Variants in PLCD3 observed in about 807,000 individuals in gnomAD.
PLCD3 encodes phospholipase C delta 3.
PLCD3 carries 62 observed loss-of-function variants against 82.8 expected under a neutral mutation model. The observed-to-expected ratio is 0.75, with a 90% CI of 0.61 to 0.93. PLCD3 has a LOEUF of 0.93. PLCD3 is among the 40% of genes least tolerant of loss of function. PLCD3 has a pLI of 0.00. For synonymous variants in PLCD3, 478 were observed against 471.8 expected (o/e 1.01, Z -0.17); for missense variants, 1,023 against 1,103.4 (o/e 0.93, Z 1.03).
rs1405295918 is a variant in PLCD3, at chr17:45,120,940, C to G, written c.516G>C (p.Ala172=). 1.4e-6 allele frequency: 2 copies of G among 1,480,692 alleles called. No homozygotes were observed. The highest frequency in any genetic ancestry group is 1.8e-6 in the Non-Finnish European group (2 of 1,123,090). 91.7% of individuals were successfully genotyped at this position (1,480,692 alleles called of 1,614,324 possible). The change falls in exon 3 of 15, where the codon GCG becomes GCC. Residue 172 remains alanine, a synonymous_variant. Transcript: ENST00000619929. ...CGCGCTGGCTCATGGCGTCCAGGCG[C>G]GCGCGGAGCTTGGTCAGACCGCGCA... ...RWVRGLTKLR[A]RLDAMSQRER... is the part of the protein sequence containing the mutation.
intron 1 of PLCD3, among the ~76,000 whole-genome samples, chr17:45,125,542 G>A (rs1598035799): frequency 6.6e-6 from 1 of 152,274 alleles, no homozygotes; most frequent in African/African-American, 2.4e-5. Flanking sequence ...GTTGCAGCGA[G>A]CTGAGATTGT....
intron 4 of PLCD3, 101 bp downstream of exon 4, chr17:45,120,224 A>T: frequency 6.7e-7 from 1 of 1,489,876 alleles, no homozygotes. Flanking sequence ...AAAAAGCTGC[A>T]GGTGGAGAGG....
chr17:45,121,224 T>G lies in PLCD3; in HGVS notation c.312A>C (p.Pro104=). 1 of 1,588,860 alleles carries G rather than the reference T, an allele frequency of 6.3e-7. No homozygotes were observed. Among genetic ancestry groups the G allele is most frequent in the African/African-American group, 1.3e-5 (1 of 74,510 alleles). The part of the protein sequence containing the change: ...VWFQRRIPRA[P]SQHIFFVQHI... ...CCGGCCTCTCACAGATGTGCTGCGA[T>G]GGCGCACGCGGGATGCGCCGCTGGA... is the stretch of plus-strand genomic sequence containing the variant. Residue 104 remains proline, a synonymous_variant, in exon 2 of 15, where the codon CCA becomes CCC. Transcript: ENST00000619929.
In PLCD3 at chr17:45,120,418, G is replaced by A; in HGVS notation, c.591C>T (p.Asn197=). ...IHSYLHRADS[N]QDSKMSFKEI... The stretch of plus-strand genomic sequence containing the variant: ...CCTTGAAGCTCATCTTGCTGTCCTG[G>A]TTGGAGTCAGCCCGGTGCAGATAGG... Residue 197 remains asparagine, a synonymous_variant, in exon 4 of 15, where the codon AAC becomes AAT. Coordinates refer to ENST00000619929, the MANE Select transcript of PLCD3 (RefSeq NM_133373.5). 1 of 1,614,014 alleles carries A rather than the reference G, an allele frequency of 6.2e-7. No individual in the cohort carries two copies. The highest frequency in any genetic ancestry group is 1.6e-4 in the Middle Eastern group (1 of 6,062).
At position 45,118,624 on chromosome 17, in the gene PLCD3, G is replaced by A. The variant is rs2054311070; in HGVS notation, c.914-132C>T. The A allele has an allele frequency of 8.5e-7, 1 of 1,171,924 alleles. No homozygotes were observed. The highest frequency in any genetic ancestry group is 1.2e-6 in the Non-Finnish European group (1 of 831,732). 72.6% of individuals were successfully genotyped at this position (1,171,924 alleles called of 1,614,324 possible). The stretch of plus-strand genomic sequence containing the variant: ...ACTGACTAGACTCCATGTAAGTCAT[G>A]CCACTTAACCTTCGACCAGACCCTG... On this transcript the variant is annotated intron_variant, in intron 5 of 14. Transcript: ENST00000619929. The surrounding 1 kb of genome is among the most constrained non-coding windows in gnomAD (Gnocchi z 4.1).
rs2054228418 is a variant in PLCD3, at chr17:45,109,921, C to A, written c.*2695G>T. On this transcript the variant is annotated 3_prime_UTR_variant, in exon 15 of 15. Coordinates refer to ENST00000619929, the MANE Select transcript of PLCD3 (RefSeq NM_133373.5). ...TGAAACCCTGTCTCTACTAAAAACA[C>A]AAAAAAATTAGCCGGGCATGGTGGT... 1 of 151,608 alleles carries A rather than the reference C, an allele frequency of 6.6e-6. No homozygotes were observed. The highest frequency in any genetic ancestry group is 1.5e-5 in the Non-Finnish European group (1 of 67,974). 9.4% of individuals were successfully genotyped at this position (151,608 alleles called of 1,614,324 possible).
rs34721135 is a variant in PLCD3 at position 45,120,428 on chromosome 17, G to C, written c.581C>G (p.Ala194Gly). 1 of 1,614,012 alleles carries C rather than the reference G, an allele frequency of 6.2e-7. No homozygotes were observed. Among genetic ancestry groups the C allele is most frequent in the South Asian group, 1.1e-5 (1 of 91,090 alleles). Residue 194 changes from alanine to glycine, a missense_variant, in exon 4 of 15, where the codon GCT (alanine) becomes GGT (glycine). Ala to Gly is a moderately conservative substitution (Grantham distance 60). Coordinates refer to ENST00000619929, the MANE Select transcript of PLCD3 (RefSeq NM_133373.5). ...CATCTTGCTGTCCTGGTTGGAGTCA[G>C]CCCGGTGCAGATAGGAGTGGATCCA... ...DHWIHSYLHRADSNQDSKMSF... is the reference protein window; with the variant it reads ...DHWIHSYLHRGDSNQDSKMSF...
At chr17:45,125,629 A>G (rs1035770667) in intron 1 of PLCD3, among the ~76,000 whole-genome samples, 5 of 152,354 alleles carry the variant, frequency 3.3e-5, no homozygotes, top group African/African-American at 1.2e-4. Flanking sequence ...AACAAAAAAC[A>G]TATGAGACAG....
chr17:45,126,677 G>C (rs9904974), intron 1 of PLCD3, among the ~76,000 whole-genome samples: 1 of 147,806 alleles, frequency 6.8e-6, no homozygotes, highest in Non-Finnish European at 1.5e-5. Flanking sequence ...TTTTTTCTGA[G>C]ACAGGGTCTT....
rs757210520 is a variant in PLCD3, at chr17:45,113,274, G to T, written c.1996-17C>A. The stretch of plus-strand genomic sequence containing the variant: ...AGTCAGCACCTGTGGGTGAGGGAGG[G>T]AGTGGCTGGGGCCCACGCCCACCTT... On this transcript the variant is annotated splice_polypyrimidine_tract_variant and intron_variant, in intron 12 of 14. Transcript: ENST00000619929. The T allele has an allele frequency of 6.3e-7, 1 of 1,596,164 alleles. No homozygotes were observed. The highest frequency in any genetic ancestry group is 1.1e-5 in the South Asian group (1 of 88,566).
intron 1 of PLCD3, 102 bp from the exon 2 acceptor site, chr17:45,121,474 A>G: frequency 7.5e-7 from 1 of 1,337,390 alleles, no homozygotes; most frequent in Non-Finnish European, 9.8e-7. Flanking sequence ...GCCTCTCCAA[A>G]CCCAGGCCTT....
In PLCD3 at chr17:45,118,507, G is replaced by A; in HGVS notation, c.914-15C>T. 6 of 1,613,570 alleles carry A rather than the reference G, an allele frequency of 3.7e-6. No homozygotes were observed. Among genetic ancestry groups the A allele is most frequent in the Non-Finnish European group, 5.1e-6 (6 of 1,179,746 alleles). ...ATGCTGCTTGGCTGCAGGGGTGGCA[G>A]GAGAGGGCATCAGGCCACATAGGGA... On this transcript the variant is annotated splice_polypyrimidine_tract_variant and intron_variant, in intron 5 of 14. Coordinates refer to ENST00000619929, the MANE Select transcript of PLCD3 (RefSeq NM_133373.5). The surrounding 1 kb of genome is among the most constrained non-coding windows in gnomAD (Gnocchi z 4.1).
intron 1 of PLCD3, among the ~76,000 whole-genome samples, chr17:45,124,243 C>T (rs1161737215): frequency 1.3e-5 from 2 of 152,214 alleles, no homozygotes; most frequent in African/African-American, 4.8e-5. Context: ...CTGTCCAGAG[C>T]CTTCTGCAAA....
rs141665741 is a variant in PLCD3 at position 45,118,755 on chromosome 17, C to T, written c.913+60G>A. On this transcript the variant is annotated intron_variant, in intron 5 of 14. Coordinates refer to ENST00000619929, the MANE Select transcript of PLCD3 (RefSeq NM_133373.5). This position sits in a 1 kb window ranked among gnomAD's most constrained non-coding sequence, Gnocchi z 4.1. The stretch of plus-strand genomic sequence containing the variant: ...GCCCGCGCCAGCCCGCAGCAGAACC[C>T]GCTTAGCTGGGAACACAGCCCTTTC... The T allele has an allele frequency of 2.9e-3, 4,367 of 1,522,622 alleles. 6 individuals carry two copies. The highest frequency in any genetic ancestry group is 3.3e-3 in the Non-Finnish European group (3,767 of 1,129,970). 94.3% of individuals were successfully genotyped at this position (1,522,622 alleles called of 1,614,324 possible).
chr17:45,122,216 C>T (rs1439169690), intron 1 of PLCD3, among the ~76,000 whole-genome samples: 1 of 152,104 alleles, frequency 6.6e-6, no homozygotes, highest in Non-Finnish European at 1.5e-5. Context: ...CAGCCCTGCC[C>T]AGCTGATCTC....
At chr17:45,124,948 T>A (rs1326236685) in intron 1 of PLCD3, among the ~76,000 whole-genome samples, 1 of 152,242 alleles carries the variant, frequency 6.6e-6, no homozygotes, top group East Asian at 1.9e-4. Context: ...CCCAGCACTT[T>A]GGGAGGCCAA....
rs1257098985 is a variant in PLCD3, at chr17:45,112,442, GC to G, written c.*173del. On this transcript the variant is annotated 3_prime_UTR_variant, in exon 15 of 15. Transcript: ENST00000619929. Reference sequence around the variant, plus strand: ...AACACCTTTCTGTTCTTCAGGAGGGGCCCAGGCAGCCCTCAGCACCCAGGTG... The same window carrying G: ...AACACCTTTCTGTTCTTCAGGAGGGGCCAGGCAGCCCTCAGCACCCAGGTG... 1 of 688,360 alleles carries G rather than the reference GC, an allele frequency of 1.5e-6. No individual in the cohort carries two copies. The highest frequency in any genetic ancestry group is 1.8e-5 in the African/African-American group (1 of 56,486). The allele number at this position is 688,360 out of a possible 1,614,324, so 42.6% of individuals were successfully genotyped here. A position where few individuals can be genotyped will look rare whatever the true frequency, so the allele number is the denominator to read the frequency against.
At chr17:45,119,394 C>T (rs925441278) in intron 4 of PLCD3, among the ~76,000 whole-genome samples, 34 of 152,198 alleles carry the variant, frequency 2.2e-4, no homozygotes, top group African/African-American at 7.0e-4. Context: ...CACCACTGCA[C>T]CTGGCTAATT....
intron 1 of PLCD3, among the ~76,000 whole-genome samples, chr17:45,130,859 G>A (rs576762250): frequency 4.0e-5 from 6 of 150,470 alleles, no homozygotes; most frequent in African/African-American, 7.3e-5. Flanking sequence ...TGCCACTCCC[G>A]TCTTCCTCAG....
Sources: gnomAD v4.1 joint callset for allele counts (sites outside exome capture counted in the v4.1 genomes callset) on GRCh38, gnomAD v4.1.1 for gene constraint, Gnocchi (gnomAD v3.1) non-coding constraint, MANE v1.5 for transcripts, NCBI Gene and HGNC (gene_info 2026-07-23, HGNC 2026-07-21) for gene names.